MLF1: variants seen among roughly 807,000 people sequenced by gnomAD.
MLF1 encodes myelodysplasia-myeloid leukemia factor 1.
In MLF1, 37 loss-of-function variants were observed where a neutral mutation model predicts 38.3. That is an observed-to-expected ratio of 0.96 (90% CI 0.74 to 1.27). The LOEUF is 1.27. MLF1 is among the 50% of genes most tolerant of loss of function. The pLI is 0.00. For missense variants in MLF1, 331 were observed against 349.2 expected, an observed-to-expected ratio of 0.95 and a Z score of 0.42; for synonymous variants, 95 against 106.5, an observed-to-expected ratio of 0.89 and a Z score of 0.66.
intron 1 of MLF1, among the ~76,000 whole-genome samples, chr3:158,577,781 T>G (rs1715680994): frequency 6.6e-6 from 1 of 152,150 alleles, no homozygotes; most frequent in Non-Finnish European, 1.5e-5. Flanking sequence ...TGCCATACAG[T>G]AGCATGTACC....
Position 158,596,920 on chromosome 3 carries a change from A to G in MLF1, c.299A>G (p.Tyr100Cys), listed in dbSNP as rs779859917. 2.1e-5 allele frequency: 34 copies of G among 1,607,918 alleles called. No homozygotes were observed. The highest frequency in any genetic ancestry group is 1.6e-4 in the Middle Eastern group (1 of 6,062). ...MDQMVSNMRN[Y>C]MQKLERNFGQ... Reference sequence around the variant, plus strand: ...CAAATGGTGTCAAATATGAGAAACTATATGCAGAAATTAGAAAGAAACTTC... The same window carrying G: ...CAAATGGTGTCAAATATGAGAAACTGTATGCAGAAATTAGAAAGAAACTTC... Residue 100 changes from tyrosine to cysteine, a missense_variant, in exon 4 of 8, where the codon TAT (tyrosine) becomes TGT (cysteine). Transcript: ENST00000466246.
At chr3:158,581,152 T>G (rs1716284379) in intron 1 of MLF1, among the ~76,000 whole-genome samples, 1 of 152,086 alleles carries the variant, frequency 6.6e-6, no homozygotes, top group Non-Finnish European at 1.5e-5. Context: ...CAGGAACCAG[T>G]GCGAGGGTAG....
chr3:158,576,249 A>T (rs1004840741), intron 1 of MLF1, among the ~76,000 whole-genome samples: 1 of 152,208 alleles, frequency 6.6e-6, no homozygotes, highest in African/African-American at 2.4e-5. Context: ...GAAAATTTAC[A>T]TTACAGTATA....
chr3:158,602,753 T>C, intron 6 of MLF1, 54 bp from the exon 7 acceptor site: 1 of 1,566,284 alleles, frequency 6.4e-7, no homozygotes, highest in Admixed American at 1.7e-5. Flanking sequence ...GCAAGGCAGT[T>C]ACTGACAGTT....
chr3:158,587,739 G>A (rs974055965), intron 1 of MLF1, among the ~76,000 whole-genome samples: 1 of 152,128 alleles, frequency 6.6e-6, no homozygotes. Context: ...GGTGGCCCAC[G>A]CCCGTAATCC....
Position 158,571,319 on chromosome 3 carries a change from A to G in MLF1, c.19A>G (p.Ser7Gly), listed in dbSNP as rs1714238803. Residue 7 changes from serine to glycine, a missense_variant, in exon 1 of 8, where the codon AGC becomes GGC. Ser to Gly is a moderately conservative substitution (Grantham distance 56). Coordinates refer to ENST00000466246, the MANE Select transcript of MLF1 (RefSeq NM_001369783.1). MFRMLN[S>G]SFEDDPFFSE... ...AGCCAGAATGTTCAGGATGCTGAAC[A>G]GCAGTTTTGAGGATGACCCCTTCTT... 6.2e-7 allele frequency: 1 copy of G among 1,613,010 alleles called. No individual in the cohort carries two copies. Among genetic ancestry groups the G allele is most frequent in the South Asian group, 1.1e-5 (1 of 91,062 alleles).
At chr3:158,572,026 G>A (rs1576630587) in intron 1 of MLF1, among the ~76,000 whole-genome samples, 1 of 59,240 alleles carries the variant, frequency 1.7e-5, no homozygotes, top group East Asian at 5.3e-4. Flanking sequence ...TTGAGGGTGT[G>A]AGATGGACGA....
chr3:158,589,041 T>C (rs1019269231), intron 1 of MLF1: 5 of 370,600 alleles, frequency 1.3e-5, no homozygotes, highest in Middle Eastern at 4.1e-4. Context: ...CTGCAGGCAT[T>C]GGTTGCAGTG....
rs756608003 is a variant in MLF1 at position 158,602,838 on chromosome 3, A to G, written c.645A>G (p.Gln215=). The G allele has an allele frequency of 6.2e-7, 1 of 1,613,758 alleles. No homozygotes were observed. Among genetic ancestry groups the G allele is most frequent in the Non-Finnish European group, 8.5e-7 (1 of 1,179,838 alleles). The change falls in exon 7 of 8, where the codon CAA becomes CAG. Residue 215 remains glutamine (Q), a synonymous_variant. Transcript: ENST00000466246. ...CTCATGCTTTTGATGAGGAGTGGCA[A>G]AGTGAGGTTTTGAAGTACAAACCAG... The part of the protein sequence containing the change: ...SDAHAFDEEW[Q]SEVLKYKPGR...
intron 1 of MLF1, among the ~76,000 whole-genome samples, chr3:158,578,081 A>G (rs1715728485): frequency 6.6e-6 from 1 of 152,138 alleles, no homozygotes; most frequent in Admixed American, 6.5e-5. Context: ...TCCTTCTTTG[A>G]ATGTTACATG....
At chr3:158,592,013 C>A (rs1282437456) in intron 1 of MLF1, among the ~76,000 whole-genome samples, 1 of 152,104 alleles carries the variant, frequency 6.6e-6, no homozygotes, top group African/African-American at 2.4e-5. Flanking sequence ...ATACACTTAA[C>A]CTACCGAGTA....
intron 5 of MLF1, 93 bp from the exon 6 acceptor site, chr3:158,599,921 T>C (rs1719487788): frequency 2.1e-6 from 1 of 472,086 alleles, no homozygotes; most frequent in Non-Finnish European, 3.3e-6. Flanking sequence ...TTTAGAGCAA[T>C]AGATCTATGG....
At chr3:158,590,099 A>G (rs73022798) in intron 1 of MLF1, among the ~76,000 whole-genome samples, 28,556 of 152,176 alleles carry the variant, frequency 0.19, 3,109 homozygotes, top group African/African-American at 0.3. Flanking sequence ...AAGAGAATGA[A>G]AAAGGCAAGT....
chr3:158,595,605 T>C (rs1718770908), intron 3 of MLF1, among the ~76,000 whole-genome samples: 1 of 152,182 alleles, frequency 6.6e-6, no homozygotes, highest in African/African-American at 2.4e-5. Flanking sequence ...TGTGTTTGCC[T>C]CTCTGAAATG....
At chr3:158,582,170 A>G in intron 1 of MLF1, among the ~76,000 whole-genome samples, 1 of 151,558 alleles carries the variant, frequency 6.6e-6, no homozygotes, top group East Asian at 1.9e-4. Context: ...ACAGAGGGAG[A>G]CTCTGTCAAA....
At chr3:158,595,393 T>C (rs528643724) in intron 3 of MLF1, among the ~76,000 whole-genome samples, 48 of 152,314 alleles carry the variant, frequency 3.2e-4, no homozygotes, top group Admixed American at 9.8e-4. Context: ...TCCAGTGTGT[T>C]GGGTCACCCC....
intron 1 of MLF1, among the ~76,000 whole-genome samples, chr3:158,588,682 A>G (rs1432525128): frequency 6.6e-6 from 1 of 152,146 alleles, no homozygotes; most frequent in Admixed American, 6.5e-5. Flanking sequence ...ATCTAAAGAC[A>G]GGAAAATGAA....
chr3:158,578,328 A>G (rs1248558456), intron 1 of MLF1, among the ~76,000 whole-genome samples: 1 of 152,114 alleles, frequency 6.6e-6, no homozygotes, highest in East Asian at 1.9e-4. Flanking sequence ...TTAGAAGCAC[A>G]AGTATCTATA....
intron 1 of MLF1, among the ~76,000 whole-genome samples, chr3:158,577,191 C>T (rs1715596372): frequency 6.6e-6 from 1 of 152,154 alleles, no homozygotes; most frequent in South Asian, 2.1e-4. Context: ...TATTAAAGGA[C>T]ATTGCTTTGT....
Sources: gnomAD v4.1 joint callset for allele counts (sites outside exome capture counted in the v4.1 genomes callset) on GRCh38, gnomAD v4.1.1 for gene constraint, MANE v1.5 for transcripts, NCBI Gene and HGNC (gene_info 2026-07-23, HGNC 2026-07-21) for gene names.